PLEKHG1: variants seen among roughly 807,000 people sequenced by gnomAD.
PLEKHG1 encodes the protein pleckstrin homology and RhoGEF domain containing G1.
A neutral mutation model predicts 100.8 loss-of-function variants in PLEKHG1; 44 were observed. That is an observed-to-expected ratio of 0.44 (90% confidence interval 0.34 to 0.56). PLEKHG1 has a LOEUF of 0.56. Ranked by LOEUF, PLEKHG1 falls within the 20% of genes least tolerant of loss-of-function variation. The pLI is 0.01. For synonymous variants in PLEKHG1, 640 were observed against 662.5 expected (o/e 0.97, Z 0.52); for missense variants, 1,545 against 1,720.9 (o/e 0.90, Z 1.81).
intron 1 of PLEKHG1, among the ~76,000 whole-genome samples, chr6:150,629,941 A>G (rs1424887343): frequency 6.6e-6 from 1 of 152,170 alleles, no homozygotes; most frequent in African/African-American, 2.4e-5. Flanking sequence ...CAAGGTTTCT[A>G]CAATTAGACA....
intron 14 of PLEKHG1, among the ~76,000 whole-genome samples, chr6:150,825,157 ACC>A (rs1438639016): frequency 4.6e-5 from 7 of 152,170 alleles, no homozygotes; most frequent in African/African-American, 1.7e-4. Flanking sequence ...GCATAACCAA[ACC>A]TTATGAAATA....
intron 3 of PLEKHG1, among the ~76,000 whole-genome samples, chr6:150,681,925 C>T (rs758470904): frequency 6.6e-6 from 1 of 152,168 alleles, no homozygotes; most frequent in African/African-American, 2.4e-5. Context: ...AAAGCTAAAC[C>T]CCACTCTGCA....
intron 3 of PLEKHG1, among the ~76,000 whole-genome samples, chr6:150,707,931 CG>C (rs1308506216): frequency 2.0e-5 from 3 of 152,096 alleles, no homozygotes; most frequent in African/African-American, 7.2e-5. Flanking sequence ...CTGCCTGACC[CG>C]TCACTGCCCT....
chr6:150,722,709 A>C (rs561104141), intron 1 of PLEKHG1, among the ~76,000 whole-genome samples: 17 of 152,122 alleles, frequency 1.1e-4, no homozygotes, highest in African/African-American at 3.4e-4. Flanking sequence ...ATTTGTTTGG[A>C]GTGCTATTGT....
chr6:150,623,565 A>C (rs1363039430), intron 1 of PLEKHG1, among the ~76,000 whole-genome samples: 1 of 152,208 alleles, frequency 6.6e-6, no homozygotes, highest in Non-Finnish European at 1.5e-5. Flanking sequence ...ACTAGAAATT[A>C]GTTCTCTTCC....
At chr6:150,757,561 ATGTG>A (rs141610846) in intron 2 of PLEKHG1, among the ~76,000 whole-genome samples, 19 of 150,152 alleles carry the variant, frequency 1.3e-4, no homozygotes, top group African/African-American at 1.5e-4. Flanking sequence ...GCACACAAGT[ATGTG>A]TGTGTGTGTG....
chr6:150,840,055 G>C, exon 16 of PLEKHG1: 2 of 1,614,146 alleles, frequency 1.2e-6, no homozygotes, highest in Non-Finnish European at 1.7e-6. Flanking sequence ...CAAGACTTGA[G>C]GTCAAGATAT....
chr6:150,643,784 C>G (rs1043246128), intron 2 of PLEKHG1, among the ~76,000 whole-genome samples: 3 of 152,088 alleles, frequency 2.0e-5, no homozygotes, highest in Non-Finnish European at 4.4e-5. Flanking sequence ...ATGAGTAAAA[C>G]TCATGTATCT....
chr6:150,741,625 T>C (rs1230996585), intron 2 of PLEKHG1, among the ~76,000 whole-genome samples: 5 of 152,182 alleles, frequency 3.3e-5, no homozygotes, highest in African/African-American at 1.2e-4. Context: ...ATTCCTATTT[T>C]AGCATGAGAA....
intron 1 of PLEKHG1, among the ~76,000 whole-genome samples, chr6:150,722,007 TGAA>T (rs1781699009): frequency 3.8e-5 from 1 of 26,260 alleles, no homozygotes; most frequent in African/African-American, 1.5e-4. Context: ...ATACAGCTAT[TGAA>T]GAAGAGATAT....
intron 4 of PLEKHG1, among the ~76,000 whole-genome samples, chr6:150,789,598 T>C (rs1263811139): frequency 6.6e-6 from 1 of 152,234 alleles, no homozygotes; most frequent in African/African-American, 2.4e-5. Flanking sequence ...GTCACTATAT[T>C]ATGCAATGTC....
chr6:150,726,992 A>G (rs953359759), intron 1 of PLEKHG1, among the ~76,000 whole-genome samples: 2 of 152,222 alleles, frequency 1.3e-5, no homozygotes, highest in Non-Finnish European at 2.9e-5. Context: ...TGCGCTGTAT[A>G]TTAAACGAAC....
chr6:150,779,355 T>TTTTTTTGTTTTTG (rs1562511491), intron 3 of PLEKHG1, among the ~76,000 whole-genome samples: 43 of 146,940 alleles, frequency 2.9e-4, no homozygotes, highest in African/African-American at 1.1e-3. Context: ...TTTTTTTTTT[T>TTTTTTTGTTTTTG]TTTTTTTTGA....
chr6:150,686,432 G>A (rs907138726), intron 3 of PLEKHG1, among the ~76,000 whole-genome samples: 4 of 152,172 alleles, frequency 2.6e-5, no homozygotes, highest in African/African-American at 9.7e-5. Flanking sequence ...AAGGAAAATA[G>A]TCTGAGAAAA....
At chr6:150,798,676 A>G (rs1562527732) in intron 5 of PLEKHG1, among the ~76,000 whole-genome samples, 1 of 152,244 alleles carries the variant, frequency 6.6e-6, no homozygotes, top group Admixed American at 6.5e-5. Context: ...AAATAAATAT[A>G]AATTAACACA....
chr6:150,800,846 C>A (rs770028166), exon 6 of PLEKHG1: 1 of 1,614,050 alleles, frequency 6.2e-7, no homozygotes. Context: ...TCAGCGGATT[C>A]TCAAGTATCA....
chr6:150,627,859 G>A (rs1777568941), intron 1 of PLEKHG1, among the ~76,000 whole-genome samples: 1 of 152,194 alleles, frequency 6.6e-6, no homozygotes, highest in Non-Finnish European at 1.5e-5. Flanking sequence ...GTGATCATTA[G>A]AAACTGAAAT....
At chr6:150,626,011 A>G (rs1448581919) in intron 1 of PLEKHG1, 1 of 152,110 alleles carries the variant, frequency 6.6e-6, no homozygotes, top group African/African-American at 2.4e-5. Flanking sequence ...GCATGATGAA[A>G]TATGTTGGGA....
At chr6:150,794,266 A>T (rs946062846) in intron 4 of PLEKHG1, among the ~76,000 whole-genome samples, 2 of 152,228 alleles carry the variant, frequency 1.3e-5, no homozygotes, top group African/African-American at 4.8e-5. Flanking sequence ...TGCAAATCAA[A>T]CAGGCAAAAG....
Sources: gnomAD v4.1 joint callset for allele counts (sites outside exome capture counted in the v4.1 genomes callset) on GRCh38, gnomAD v4.1.1 for gene constraint, MANE v1.5 for transcripts, NCBI Gene and HGNC (gene_info 2026-07-23, HGNC 2026-07-21) for gene names.